Variants in NFATC2 observed in about 807,000 individuals in gnomAD.
The protein encoded by NFATC2 is nuclear factor of activated T cells 2, also known as nuclear factor of activated T-cells, cytoplasmic 2.
A neutral mutation model predicts 87.3 loss-of-function variants in NFATC2; 22 were observed. The ratio of observed to expected loss-of-function variants is 0.25; its 90% CI spans 0.18 to 0.36. NFATC2 has a LOEUF of 0.36. Ranked by LOEUF, NFATC2 falls within the 10% of genes least tolerant of loss-of-function variation. NFATC2 has a pLI of 1.00. For synonymous variants in NFATC2, 565 were observed against 542.2 expected (o/e 1.04, Z -0.58); for missense variants, 1,149 against 1,259.1 (o/e 0.91, Z 1.32).
intron 3 of NFATC2, among the ~76,000 whole-genome samples, chr20:51,503,647 G>A (rs1444108874): frequency 1.3e-5 from 2 of 152,190 alleles, no homozygotes; most frequent in East Asian, 1.9e-4. Flanking sequence ...ATGCTTGGGG[G>A]TGTCAACAGC....
chr20:51,474,087 T>C lies in NFATC2; in HGVS notation c.1601A>G (p.Asp534Gly). The C allele has an allele frequency of 6.2e-7, 1 of 1,614,224 alleles. No homozygotes were observed. The highest frequency in any genetic ancestry group is 8.5e-7 in the Non-Finnish European group (1 of 1,180,050). ...CACCCGCGTGTTCTTTCTTCCAATG[T>C]CCGTCTCGCCTTTCCGCAGCTCAAT... Reference protein sequence around the residue: ...ADIELRKGETDIGRKNTRVRL... With the variant: ...ADIELRKGETGIGRKNTRVRL... Residue 534 changes from aspartate (D) to glycine (G), a missense_variant, in exon 5 of 11, where the codon GAC becomes GGC. Physicochemically the swap from Asp to Gly is moderately conservative, Grantham distance 94. Transcript: ENST00000371564.
rs118018726 is a variant in NFATC2 at position 51,486,071 on chromosome 20, C to T, written c.1333-10411G>A. ...ACTACAAATACAAAAATGACCCGAG[C>T]GTGGTGGCGTGCACCTGTAGTCCCA... is the stretch of plus-strand genomic sequence containing the variant. On this transcript the variant is annotated intron_variant, in intron 3 of 10. Transcript: ENST00000371564. Among the ~76,000 whole-genome samples the T allele has an allele frequency of 2.5e-3, 375 of 152,152 alleles. 10 individuals carry two copies. The East Asian group carries it at 0.046, about 19-fold the overall frequency.
At chr20:51,411,518 T>C (rs1178732661) in intron 9 of NFATC2, among the ~76,000 whole-genome samples, 1 of 89,836 alleles carries the variant, frequency 1.1e-5, no homozygotes, top group Non-Finnish European at 2.0e-5. Flanking sequence ...GCAATTGTCT[T>C]TTTTTTTTTT....
chr20:51,458,737 C>T (rs925159379), intron 5 of NFATC2, among the ~76,000 whole-genome samples: 3 of 151,964 alleles, frequency 2.0e-5, no homozygotes, highest in Admixed American at 6.6e-5. Context: ...TTGCTTGAAC[C>T]GGGGAGGCGG....
In NFATC2 at chr20:51,523,548, G is replaced by C; in HGVS notation, c.693C>G (p.Cys231Trp). Reference sequence around the variant, plus strand: ...GGGGCACGGGCGAGTGGCGGCCCAGGCAGCTGTCCTCGGCGAGGCTGGTTC... The same window carrying C: ...GGGGCACGGGCGAGTGGCGGCCCAGCCAGCTGTCCTCGGCGAGGCTGGTTC... ...SPRTSLAEDS[C>W]LGRHSPVPRP... Residue 231 changes from cysteine to tryptophan, a missense_variant, in exon 2 of 11, where the codon TGC (cysteine) becomes TGG (tryptophan). Physicochemically the swap from Cys to Trp is radical, Grantham distance 215. Coordinates refer to ENST00000371564, the MANE Select transcript of NFATC2 (RefSeq NM_012340.5). The surrounding 1 kb of genome is among the most constrained non-coding windows in gnomAD (Gnocchi z 6.9). The C allele has an allele frequency of 6.2e-7, 1 of 1,613,778 alleles. No individual in the cohort carries two copies. Among genetic ancestry groups the C allele is most frequent in the Admixed American group, 1.7e-5 (1 of 60,010 alleles).
chr20:51,425,536 C>T (rs1159682688), intron 9 of NFATC2, among the ~76,000 whole-genome samples: 3 of 152,206 alleles, frequency 2.0e-5, no homozygotes, highest in Admixed American at 6.5e-5. Context: ...CCAGCCCTGC[C>T]GGGGTCATCG....
At chr20:51,503,814 C>G (rs2076131254) in intron 3 of NFATC2, among the ~76,000 whole-genome samples, 1 of 152,228 alleles carries the variant, frequency 6.6e-6, no homozygotes, top group Non-Finnish European at 1.5e-5. Flanking sequence ...GATGAAGAAA[C>G]AATCTCACTT....
chr20:51,549,349 C>T lies in NFATC2; in HGVS notation c.70+13211G>A, dbSNP rs141759850. Among the ~76,000 whole-genome samples, 443 of 152,206 alleles carry T rather than the reference C, an allele frequency of 2.9e-3. 2 individuals are homozygous for T. The highest frequency in any genetic ancestry group is 0.01 in the African/African-American group (420 of 41,508). On this transcript the variant is annotated intron_variant, in intron 1 of 10. Coordinates refer to the NFATC2 transcript ENST00000414705. ...GTGCAACGGTGCAATCTCAGCTCAC[C>T]GCAACTTCTGCCTCCCAGGTGCAAG...
At chr20:51,526,181 G>A (rs887901824) in intron 1 of NFATC2, among the ~76,000 whole-genome samples, 6 of 151,938 alleles carry the variant, frequency 3.9e-5, no homozygotes, top group East Asian at 1.9e-4. Flanking sequence ...AACAGCTCCC[G>A]TCGCACCAGG....
intron 9 of NFATC2, among the ~76,000 whole-genome samples, chr20:51,405,525 C>G (rs1426273696): frequency 6.6e-6 from 1 of 152,184 alleles, no homozygotes; most frequent in Non-Finnish European, 1.5e-5. Context: ...ATAGGCACTG[C>G]CTTTCAGCTG....
chr20:51,447,292 G>A (rs569802133), intron 6 of NFATC2, among the ~76,000 whole-genome samples: 5 of 152,224 alleles, frequency 3.3e-5, no homozygotes, highest in East Asian at 1.9e-4. Context: ...CCATCAGACC[G>A]TTCCAAGAAA....
At chr20:51,506,010 A>G (rs2076173124) in intron 3 of NFATC2, among the ~76,000 whole-genome samples, 1 of 152,182 alleles carries the variant, frequency 6.6e-6, no homozygotes, top group African/African-American at 2.4e-5. Flanking sequence ...CACCTCACCA[A>G]TTTAATACCC....
intron 9 of NFATC2, among the ~76,000 whole-genome samples, chr20:51,400,775 G>A (rs1478438811): frequency 2.6e-5 from 4 of 152,260 alleles, no homozygotes; most frequent in Middle Eastern, 3.4e-3. Flanking sequence ...GGGGGTGGTG[G>A]TGAGAGTTCC....
At chr20:51,438,091 T>C (rs1023829533) in intron 6 of NFATC2, among the ~76,000 whole-genome samples, 5 of 152,162 alleles carry the variant, frequency 3.3e-5, no homozygotes. Flanking sequence ...CCTGAGTCCT[T>C]TCAGTGTGCA....
At chr20:51,414,489 G>A (rs1251779170) in intron 9 of NFATC2, among the ~76,000 whole-genome samples, 1 of 151,846 alleles carries the variant, frequency 6.6e-6, no homozygotes, top group Non-Finnish European at 1.5e-5. Context: ...AGGAGTTCGA[G>A]ACCAGCCTGG....
chr20:51,402,963 C>A (rs1320009510), intron 9 of NFATC2, among the ~76,000 whole-genome samples: 1 of 152,196 alleles, frequency 6.6e-6, no homozygotes, highest in Non-Finnish European at 1.5e-5. Flanking sequence ...CTCGCCCTCC[C>A]ATAAGTTCAC....
At chr20:51,531,490 G>C (rs2076632766) in intron 1 of NFATC2, among the ~76,000 whole-genome samples, 1 of 152,216 alleles carries the variant, frequency 6.6e-6, no homozygotes, top group Non-Finnish European at 1.5e-5. Context: ...GGACAAGATT[G>C]CTGGGGAGGC....
At chr20:51,397,697 C>A (rs10153979) in intron 10 of NFATC2, among the ~76,000 whole-genome samples, 4 of 152,066 alleles carry the variant, frequency 2.6e-5, no homozygotes, top group Non-Finnish European at 4.4e-5. Flanking sequence ...GCTCCTCCCC[C>A]CAGGGCTTCC....
upstream of NFATC2, among the ~76,000 whole-genome samples, chr20:51,547,609 C>T (rs1178794477): frequency 6.6e-6 from 1 of 152,172 alleles, no homozygotes; most frequent in Admixed American, 6.5e-5. Flanking sequence ...GACGACCCAA[C>T]ATCTCCACGG....
Sources: allele counts gnomAD v4.1 joint callset (sites outside exome capture counted in the v4.1 genomes callset), GRCh38; gene constraint gnomAD v4.1.1; non-coding constraint Gnocchi (gnomAD v3.1); transcripts MANE v1.5; gene names NCBI Gene and HGNC (gene_info 2026-07-23, HGNC 2026-07-21).